BPIFB3: variants seen among roughly 807,000 people sequenced by gnomAD.
BPIFB3 encodes BPI fold-containing family B member 3.
In BPIFB3, 49 loss-of-function variants were observed where a neutral mutation model predicts 53.1. That is an observed-to-expected ratio of 0.92 (90% CI 0.73 to 1.17). The LOEUF is 1.17. Ranked by LOEUF, BPIFB3 falls within the 50% of genes most tolerant of loss-of-function variation. The pLI is 0.00. For synonymous variants in BPIFB3, 271 were observed against 269.6 expected, an observed-to-expected ratio of 1.01 and a Z score of -0.05; for missense variants, 628 against 592.5, an observed-to-expected ratio of 1.06 and a Z score of -0.62.
At chr20:33,057,855 A>T (rs368719456) in intron 2 of BPIFB3, among the ~76,000 whole-genome samples, 1 of 152,100 alleles carries the variant, frequency 6.6e-6, no homozygotes, top group African/African-American at 2.4e-5. Flanking sequence ...TGAATGAATG[A>T]AGAGCATCAC....
chr20:33,055,354 T>A, upstream of BPIFB3: 1 of 1,585,820 alleles, frequency 6.3e-7, no homozygotes, highest in Admixed American at 1.7e-5. Context: ...AGGCTGATAA[T>A]GGGAACAGAG....
upstream of BPIFB3, among the ~76,000 whole-genome samples, chr20:33,054,357 C>T (rs1297579737): frequency 6.6e-6 from 1 of 152,102 alleles, no homozygotes; most frequent in Non-Finnish European, 1.5e-5. Context: ...ATGGAGTTTA[C>T]AGGGAAGAGA....
chr20:33,069,819 T>C (rs1980811397), intron 10 of BPIFB3, 69 bp from the exon 12 acceptor site: 3 of 1,495,940 alleles, frequency 2.0e-6, no homozygotes, highest in Non-Finnish European at 2.8e-6. Context: ...AACAGATGGA[T>C]GGAGGCAGAC....
At chr20:33,062,326 C>T (rs1439011360) in intron 5 of BPIFB3, among the ~76,000 whole-genome samples, 1 of 152,160 alleles carries the variant, frequency 6.6e-6, no homozygotes, top group African/African-American at 2.4e-5. Context: ...CTGGCCCAAA[C>T]CCCATATCAC....
At chr20:33,059,703 C>T (rs567974187) in intron 3 of BPIFB3, among the ~76,000 whole-genome samples, 188 bp from the exon 5 acceptor site, 16 of 152,246 alleles carry the variant, frequency 1.1e-4, no homozygotes, top group East Asian at 1.9e-4. Flanking sequence ...CCTCCAGACC[C>T]GGACCCCACC....
exon 4 of BPIFB3, chr20:33,059,927 G>C (rs1308762923): frequency 2.5e-6 from 4 of 1,614,150 alleles, no homozygotes; most frequent in East Asian, 4.5e-5. Context: ...CTGCGGAGGT[G>C]AACGTGACAT....
chr20:33,072,212 T>C, intron 13 of BPIFB3, 45 bp downstream of exon 14: 4 of 1,591,424 alleles, frequency 2.5e-6, no homozygotes, highest in Non-Finnish European at 2.6e-6. Flanking sequence ...TGTCTGAATT[T>C]GGTATTGTCT....
intron 8 of BPIFB3, among the ~76,000 whole-genome samples, chr20:33,065,353 A>G (rs185143486): frequency 1.3e-3 from 199 of 152,158 alleles, no homozygotes; most frequent in African/African-American, 4.5e-3. Context: ...TCTACAAAAA[A>G]TACAAATATT....
chr20:33,072,933 C>A, intron 14 of BPIFB3, 140 bp downstream of exon 15: 1 of 744,514 alleles, frequency 1.3e-6, no homozygotes, highest in South Asian at 1.8e-5. Context: ...CAGTGAGTTA[C>A]AAATTGCCTA....
intron 12 of BPIFB3, 136 bp downstream of exon 13, chr20:33,071,431 G>A (rs894086900): frequency 2.0e-6 from 2 of 1,017,278 alleles, no homozygotes; most frequent in Non-Finnish European, 2.9e-6. Context: ...TTAAGCCAGA[G>A]TGGGCAAATA....
chr20:33,068,490 G>A (rs1315039772), intron 9 of BPIFB3, among the ~76,000 whole-genome samples: 1 of 152,214 alleles, frequency 6.6e-6, no homozygotes, highest in African/African-American at 2.4e-5. Context: ...GAGGGAGAAC[G>A]CAGGGCAGCA....
rs374057764 is a variant in BPIFB3 at position 33,059,871 on chromosome 20, C to T, written c.387-20C>T. ...TGGGAGCTGGCTGCCTGGCCACACC[C>T]CCAGTGTCCTTTCTTGCAGCCCCCT... On this transcript the variant is annotated intron_variant, in intron 3 of 14. Coordinates refer to ENST00000375494, the Ensembl canonical transcript of BPIFB3. 4.3e-6 allele frequency: 7 copies of T among 1,612,130 alleles called. No homozygotes were observed. The African/African-American group carries it at 5.3e-5, about 12-fold the overall frequency.
chr20:33,068,736 G>T, intron 9 of BPIFB3, 67 bp from the exon 11 acceptor site: 1 of 1,519,360 alleles, frequency 6.6e-7, no homozygotes, highest in Non-Finnish European at 9.0e-7. Context: ...TGCTTAGTGA[G>T]TGTTTGCTGA....
downstream of BPIFB3, chr20:33,073,648 A>G (rs1224686332): frequency 1.9e-6 from 3 of 1,609,384 alleles, no homozygotes. Flanking sequence ...ACTACTAGAG[A>G]CCACCTGTCT....
chr20:33,061,991 C>T (rs553829679), intron 5 of BPIFB3, among the ~76,000 whole-genome samples, 160 bp downstream of exon 6: 4 of 152,338 alleles, frequency 2.6e-5, no homozygotes, highest in East Asian at 1.9e-4. Flanking sequence ...GCCTTCCTGG[C>T]GCGCCTGCTA....
chr20:33,070,441 C>T (rs1223445494), intron 11 of BPIFB3, among the ~76,000 whole-genome samples: 5 of 152,226 alleles, frequency 3.3e-5, no homozygotes, highest in Non-Finnish European at 7.3e-5. Context: ...TCTACACGCA[C>T]AGTACTTTAC....
At chr20:33,066,007 T>TA (rs1164800140) in intron 8 of BPIFB3, among the ~76,000 whole-genome samples, 1 of 152,184 alleles carries the variant, frequency 6.6e-6, no homozygotes, top group East Asian at 1.9e-4. Context: ...TGGGTGTGTG[T>TA]ATAGGAGCAT....
intron 9 of BPIFB3, among the ~76,000 whole-genome samples, chr20:33,068,531 G>A (rs902547195): frequency 1.3e-5 from 2 of 152,154 alleles, no homozygotes; most frequent in African/African-American, 2.4e-5. Context: ...GTGGAGAGGC[G>A]GGCAGGGGAT....
chr20:33,067,383 A>C (rs899601880), intron 9 of BPIFB3, among the ~76,000 whole-genome samples: 1 of 152,186 alleles, frequency 6.6e-6, no homozygotes, highest in Non-Finnish European at 1.5e-5. Flanking sequence ...TGGAATTCGT[A>C]CTGAAGTTAA....
Sources: allele counts gnomAD v4.1 joint callset (sites outside exome capture counted in the v4.1 genomes callset), GRCh38; gene constraint gnomAD v4.1.1; transcripts MANE v1.5; gene names NCBI Gene and HGNC (gene_info 2026-07-23, HGNC 2026-07-21).